MCUB: variants seen among roughly 807,000 people sequenced by gnomAD.
MCUB encodes calcium uniporter regulatory subunit MCUb, mitochondrial.
Under a neutral mutation model 41.4 loss-of-function variants are expected in MCUB, and 46 were observed. The observed-to-expected ratio is 1.11, with a 90% CI of 0.88 to 1.42. MCUB has a LOEUF of 1.42. Ranked by LOEUF, MCUB falls within the 40% of genes most tolerant of loss-of-function variation. MCUB has a pLI of 0.00. For missense variants in MCUB, 403 were observed against 404.9 expected (o/e 1.00, Z 0.04); for synonymous variants, 148 against 148.2 (o/e 1.00, Z 0.01).
rs1471927314 is a variant in MCUB at position 109,569,866 on chromosome 4, C to T, written c.99+9430C>T. 5.3e-5 allele frequency among the ~76,000 whole-genome samples: 8 copies of T among 152,238 alleles called. No homozygotes were observed. In the East Asian group the frequency reaches 1.2e-3, roughly 22 times the overall value. On this transcript the variant is annotated intron_variant, in intron 1 of 7. Transcript: ENST00000394650. ...TTGTTCCAGTGGCTGACCAGCCAAC[C>T]AAAAGTTTCTAAATAGATTGAGACA...
At chr4:109,608,189 T>G (rs537929578) in intron 1 of MCUB, among the ~76,000 whole-genome samples, 2 of 152,192 alleles carry the variant, frequency 1.3e-5, no homozygotes, top group Non-Finnish European at 2.9e-5. Flanking sequence ...GATGCATTCT[T>G]CAGTATGTCC....
Position 109,684,588 on chromosome 4 carries a change from A to T in MCUB, c.758A>T (p.Tyr253Phe), listed in dbSNP as rs13846. The change falls in exon 6 of 8, where the codon TAC becomes TTC. Residue 253 changes from tyrosine (Y) to phenylalanine (F), a missense_variant. By Grantham distance (22) the Tyr-to-Phe change is conservative. Coordinates refer to ENST00000394650, the MANE Select transcript of MCUB (RefSeq NM_017918.5). The part of the protein sequence containing the change: ...YSWDIMEPVT[Y>F]FITFANSMVF... ...TGGGATATCATGGAGCCAGTTACAT[A>T]CTTCATCACATTTGCAAATTCTATG... 0.29 allele frequency: 458,283 copies of T among 1,598,636 alleles called. 68,412 individuals are homozygous for T. The highest frequency in any genetic ancestry group is 0.38 in the South Asian group (34,858 of 90,744).
intron 1 of MCUB, among the ~76,000 whole-genome samples, chr4:109,622,128 C>T (rs1728261797): frequency 6.6e-6 from 1 of 152,134 alleles, no homozygotes; most frequent in Admixed American, 6.5e-5. Flanking sequence ...GTGATCTGCC[C>T]ACCTTGGCCT....
At chr4:109,619,962 A>T (rs1728219599) in intron 1 of MCUB, among the ~76,000 whole-genome samples, 1 of 152,208 alleles carries the variant, frequency 6.6e-6, no homozygotes, top group East Asian at 1.9e-4. Flanking sequence ...TCACATAGCT[A>T]TTGAGTGACA....
chr4:109,682,934 C>CG (rs1729753320), intron 5 of MCUB, 192 bp downstream of exon 5: 2 of 512,466 alleles, frequency 3.9e-6, no homozygotes, highest in Non-Finnish European at 6.9e-6. Flanking sequence ...AGAGCTGTAT[C>CG]GCTAATACAT....
At chr4:109,567,273 G>A (rs1018295204) in intron 1 of MCUB, among the ~76,000 whole-genome samples, 8 of 151,904 alleles carry the variant, frequency 5.3e-5, no homozygotes, top group Non-Finnish European at 8.8e-5. Context: ...AACCTCTTGG[G>A]CGTAACAGTA....
intron 1 of MCUB, among the ~76,000 whole-genome samples, chr4:109,655,345 T>C (rs1047994122): frequency 2.0e-5 from 3 of 152,170 alleles, no homozygotes; most frequent in Non-Finnish European, 4.4e-5. Context: ...TTAGGGACTT[T>C]CATGGAGGTT....
At chr4:109,665,939 G>C (rs1036892225) in intron 4 of MCUB, among the ~76,000 whole-genome samples, 1 of 151,678 alleles carries the variant, frequency 6.6e-6, no homozygotes, top group Admixed American at 6.6e-5. Flanking sequence ...AGTGAAAAAA[G>C]GGGGAGAGTG....
At chr4:109,599,129 A>G (rs1308304123) in intron 1 of MCUB, among the ~76,000 whole-genome samples, 1 of 152,258 alleles carries the variant, frequency 6.6e-6, no homozygotes, top group Non-Finnish European at 1.5e-5. Context: ...TCTGTCGTCC[A>G]AGAACAGAAT....
At chr4:109,622,355 T>G (rs188693358) in intron 1 of MCUB, among the ~76,000 whole-genome samples, 4 of 152,288 alleles carry the variant, frequency 2.6e-5, no homozygotes, top group Admixed American at 1.3e-4. Flanking sequence ...TTGTTTATTT[T>G]AAAGAAAAAA....
chr4:109,644,648 A>G (rs1728792751), intron 1 of MCUB, among the ~76,000 whole-genome samples: 1 of 152,230 alleles, frequency 6.6e-6, no homozygotes, highest in Non-Finnish European at 1.5e-5. Flanking sequence ...AAAGGAGAAA[A>G]TAAATCACCA....
At chr4:109,607,121 A>G (rs982226446) in intron 1 of MCUB, among the ~76,000 whole-genome samples, 4 of 152,090 alleles carry the variant, frequency 2.6e-5, no homozygotes, top group Admixed American at 6.5e-5. Flanking sequence ...CCACACAATT[A>G]TAGTGTTATA....
In MCUB at chr4:109,578,589, T is replaced by C. The variant is rs549846491; in HGVS notation, c.99+18153T>C. ...TACTTAGCTTACTGCAGCCTCAACC[T>C]CCTGGGCCCAAGCAGTCCTTCTGCC... On this transcript the variant is annotated intron_variant, in intron 1 of 7. Coordinates refer to ENST00000394650, the MANE Select transcript of MCUB (RefSeq NM_017918.5). Among the ~76,000 whole-genome samples the C allele has an allele frequency of 3.3e-5, 5 of 152,144 alleles. No homozygotes were observed. The East Asian group carries it at 5.8e-4, about 18-fold the overall frequency.
At chr4:109,616,146 T>C (rs1057472813) in intron 1 of MCUB, among the ~76,000 whole-genome samples, 4 of 152,180 alleles carry the variant, frequency 2.6e-5, no homozygotes, top group African/African-American at 9.7e-5. Context: ...ATTTGCAGAG[T>C]GAATAAATGA....
rs999139031 is a variant in MCUB, at chr4:109,597,211, G to T, written c.99+36775G>T. On this transcript the variant is annotated intron_variant, in intron 1 of 7. Coordinates refer to ENST00000394650, the MANE Select transcript of MCUB (RefSeq NM_017918.5). The stretch of plus-strand genomic sequence containing the variant: ...CCCCCTTTCTATTCCACAAAGCTGC[G>T]ATTGTCATCCTGGCCCGTTCTCAAT... Among the ~76,000 whole-genome samples, 541 of 151,080 alleles carry T rather than the reference G, an allele frequency of 3.6e-3. 7 individuals are homozygous for T. The highest frequency in any genetic ancestry group is 0.014 in the East Asian group (71 of 5,116).
At chr4:109,635,933 A>C (rs959173973) in intron 1 of MCUB, among the ~76,000 whole-genome samples, 1 of 152,182 alleles carries the variant, frequency 6.6e-6, no homozygotes, top group Non-Finnish European at 1.5e-5. Context: ...ATATGCAATT[A>C]ATTATTTTGG....
At position 109,684,524 on chromosome 4, in the gene MCUB, G is replaced by T; in HGVS notation, c.694G>T (p.Gly232Cys). 5.0e-6 allele frequency: 8 copies of T among 1,613,930 alleles called. No homozygotes were observed. Among genetic ancestry groups the T allele is most frequent in the Middle Eastern group, 1.7e-4 (1 of 6,052 alleles). ...TGGATTGGCACTGCTGTCCATTCAG[G>T]GTGGGGCACTGGCCTGGCTCACGTG... ...WAGLALLSIQ[G>C]GALAWLTWWV... Residue 232 changes from glycine (G) to cysteine (C), a missense_variant, in exon 6 of 8, where the codon GGT becomes TGT. Coordinates refer to ENST00000394650, the MANE Select transcript of MCUB (RefSeq NM_017918.5).
chr4:109,580,432 C>T (rs1302114126), intron 1 of MCUB, among the ~76,000 whole-genome samples: 1 of 152,188 alleles, frequency 6.6e-6, no homozygotes, highest in East Asian at 1.9e-4. Flanking sequence ...ATTTCTAGTT[C>T]TAGATCCCTG....
At chr4:109,604,205 TC>T (rs1727817526) in intron 1 of MCUB, among the ~76,000 whole-genome samples, 1 of 151,650 alleles carries the variant, frequency 6.6e-6, no homozygotes, top group Non-Finnish European at 1.5e-5. Flanking sequence ...TTAAGAGTCA[TC>T]ACCACTCCCT....
Sources: gnomAD v4.1 joint callset for allele counts (sites outside exome capture counted in the v4.1 genomes callset) on GRCh38, gnomAD v4.1.1 for gene constraint, MANE v1.5 for transcripts, NCBI Gene and HGNC (gene_info 2026-07-23, HGNC 2026-07-21) for gene names.